RAPGEF2: variants seen among roughly 807,000 people sequenced by gnomAD.
RAPGEF2 encodes the protein Rap guanine nucleotide exchange factor 2.
A neutral mutation model predicts 186.7 loss-of-function variants in RAPGEF2; 54 were observed. That is an observed-to-expected ratio of 0.29 (90% CI 0.23 to 0.36). The LOEUF is 0.36. RAPGEF2 is among the 10% of genes least tolerant of loss of function. The pLI is 1.00. For missense variants in RAPGEF2, 1,532 were observed against 2,045.0 expected (o/e 0.75, Z 4.84); for synonymous variants, 712 against 705.9 (o/e 1.01, Z -0.14).
intron 1 of RAPGEF2, among the ~76,000 whole-genome samples, chr4:159,176,442 A>G (rs1456943418): frequency 3.3e-5 from 5 of 152,152 alleles, no homozygotes; most frequent in East Asian, 1.9e-4. Flanking sequence ...ATGCTATACA[A>G]TGTTGTATAG....
At chr4:159,327,719 C>T (rs1285516664) in intron 11 of RAPGEF2, 5 of 151,370 alleles carry the variant, frequency 3.3e-5, no homozygotes, top group Non-Finnish European at 5.9e-5. Context: ...TAAATGTTAC[C>T]TGTGGATTTC....
chr4:159,185,520 A>G (rs1050390431), intron 1 of RAPGEF2, among the ~76,000 whole-genome samples: 9 of 152,242 alleles, frequency 5.9e-5, no homozygotes, highest in African/African-American at 1.7e-4. Context: ...TAAAACATGG[A>G]TAAACCTTGA....
intron 1 of RAPGEF2, among the ~76,000 whole-genome samples, chr4:159,118,582 GTATTA>G (rs986251671): frequency 6.8e-6 from 1 of 148,050 alleles, no homozygotes; most frequent in African/African-American, 2.5e-5. Flanking sequence ...GTATATTAAA[GTATTA>G]TTATTATTTT....
chr4:159,343,702 C>T (rs1729868738), intron 22 of RAPGEF2, among the ~76,000 whole-genome samples: 1 of 152,136 alleles, frequency 6.6e-6, no homozygotes, highest in African/African-American at 2.4e-5. Flanking sequence ...AAACTCATAG[C>T]TAGTAGTATG....
intron 4 of RAPGEF2, among the ~76,000 whole-genome samples, chr4:159,222,653 G>A (rs1751651433): frequency 6.6e-6 from 1 of 152,164 alleles, no homozygotes; most frequent in African/African-American, 2.4e-5. Flanking sequence ...TTTGGAGAAG[G>A]GATAGAGGGA....
chr4:159,138,491 C>T (rs1291128784), intron 1 of RAPGEF2, among the ~76,000 whole-genome samples: 1 of 151,794 alleles, frequency 6.6e-6, no homozygotes, highest in African/African-American at 2.4e-5. Context: ...TAATTTCAGA[C>T]CTTAGGATGT....
chr4:159,188,107 G>C (rs1747734177), intron 2 of RAPGEF2, among the ~76,000 whole-genome samples: 1 of 150,302 alleles, frequency 6.7e-6, no homozygotes, highest in Admixed American at 6.6e-5. Context: ...TTTAAAGTGT[G>C]TAACTTTCAT....
chr4:159,228,664 T>A (rs1752293436), intron 4 of RAPGEF2, among the ~76,000 whole-genome samples: 1 of 152,166 alleles, frequency 6.6e-6, no homozygotes, highest in South Asian at 2.1e-4. Flanking sequence ...TTCCCAATAC[T>A]TCTGAAATAG....
intron 1 of RAPGEF2, among the ~76,000 whole-genome samples, chr4:159,130,654 T>C (rs1010348811): frequency 6.6e-6 from 1 of 152,222 alleles, no homozygotes; most frequent in African/African-American, 2.4e-5. Context: ...CTTCTTTTAA[T>C]TTAGACCCAG....
chr4:159,226,505 C>CA (rs1034893662), intron 4 of RAPGEF2, among the ~76,000 whole-genome samples: 2 of 152,022 alleles, frequency 1.3e-5, no homozygotes, highest in African/African-American at 4.8e-5. Flanking sequence ...TTATCAGTGC[C>CA]AAAAAAATGT....
intron 1 of RAPGEF2, among the ~76,000 whole-genome samples, chr4:159,174,151 C>CT: frequency 6.6e-6 from 1 of 152,340 alleles, no homozygotes; most frequent in South Asian, 2.1e-4. Flanking sequence ...AAAATCGTAA[C>CT]TTAACAAGTG....
chr4:159,308,162 A>G (rs965377329), intron 8 of RAPGEF2, among the ~76,000 whole-genome samples: 1 of 152,134 alleles, frequency 6.6e-6, no homozygotes, highest in African/African-American at 2.4e-5. Flanking sequence ...TTGCTCTAAC[A>G]TAGTTGGAGC....
In RAPGEF2 at chr4:159,355,975, G is replaced by A. The variant is rs1401305041; in HGVS notation, c.4774G>A (p.Ala1592Thr). 1 of 1,612,924 alleles carries A rather than the reference G, an allele frequency of 6.2e-7. No homozygotes were observed. The highest frequency in any genetic ancestry group is 1.1e-5 in the South Asian group (1 of 90,896). Residue 1592 changes from alanine (A) to threonine (T), a missense_variant, in exon 29 of 30, where the codon GCC (alanine) becomes ACC (threonine). Physicochemically the swap from Ala to Thr is moderately conservative, Grantham distance 58. Around this residue, in one of 4 missense-constraint regions of RAPGEF2, gnomAD observed 594 missense variants for 608.5 expected, o/e 0.98. Transcript: ENST00000691494. ...CAGGAAACCGCCGGACTACAACGTG[G>A]CCCTTCAGAGATCGCGGATGGTCGC... is the stretch of plus-strand genomic sequence containing the variant. ...PARKPPDYNVALQRSRMVARS... is the reference protein window; with the variant it reads ...PARKPPDYNVTLQRSRMVARS...
chr4:159,296,945 A>C (rs926270963), intron 7 of RAPGEF2, among the ~76,000 whole-genome samples: 1 of 152,204 alleles, frequency 6.6e-6, no homozygotes, highest in Non-Finnish European at 1.5e-5. Context: ...ACAGACAGCC[A>C]GTTTTCAACC....
At chr4:159,198,922 A>G (rs1036831827) in intron 3 of RAPGEF2, among the ~76,000 whole-genome samples, 3 of 151,846 alleles carry the variant, frequency 2.0e-5, no homozygotes, top group African/African-American at 7.3e-5. Flanking sequence ...TCTACTAAAA[A>G]TACAAAAATT....
intron 7 of RAPGEF2, among the ~76,000 whole-genome samples, chr4:159,286,601 C>T (rs1760535222): frequency 6.6e-6 from 1 of 152,188 alleles, no homozygotes; most frequent in Non-Finnish European, 1.5e-5. Flanking sequence ...ACTTGTTCTT[C>T]TTACCTCTCA....
intron 1 of RAPGEF2, among the ~76,000 whole-genome samples, chr4:159,149,959 G>T (rs1050184754): frequency 6.6e-6 from 1 of 152,160 alleles, no homozygotes; most frequent in Non-Finnish European, 1.5e-5. Context: ...ACAGGTGGAG[G>T]TTGGATCTAG....
intron 7 of RAPGEF2, among the ~76,000 whole-genome samples, chr4:159,302,153 T>C (rs1762746755): frequency 6.6e-6 from 1 of 152,216 alleles, no homozygotes; most frequent in Non-Finnish European, 1.5e-5. Flanking sequence ...TAGATTGTGG[T>C]ATCTAAAAGC....
intron 3 of RAPGEF2, among the ~76,000 whole-genome samples, chr4:159,202,183 A>G (rs1294349742): frequency 6.6e-6 from 1 of 152,048 alleles, no homozygotes. Context: ...CTCTGTTTTA[A>G]TGACCTTGTT....
Sources: gnomAD v4.1 joint callset for allele counts (sites outside exome capture counted in the v4.1 genomes callset) on GRCh38, gnomAD v4.1.1 for gene constraint, gnomAD v4.1.1 regional missense constraint, MANE v1.5 for transcripts, NCBI Gene and HGNC (gene_info 2026-07-23, HGNC 2026-07-21) for gene names.